The following ADAMTS3 variants were observed in gnomAD, a reference collection of about 807,000 sequenced individuals.
The protein encoded by ADAMTS3 is ADAM metallopeptidase with thrombospondin type 1 motif 3, also known as A disintegrin and metalloproteinase with thrombospondin motifs 3.
ADAMTS3 carries 73 observed loss-of-function variants against 129.0 expected under a neutral mutation model. The ratio of observed to expected loss-of-function variants is 0.57; its 90% CI spans 0.47 to 0.69. ADAMTS3 has a LOEUF of 0.69. ADAMTS3 is among the 30% of genes least tolerant of loss of function. ADAMTS3 has a pLI of 0.00. For synonymous variants in ADAMTS3, 477 were observed against 510.8 expected, an observed-to-expected ratio of 0.93 and a Z score of 0.89; for missense variants, 1,457 against 1,514.5, an observed-to-expected ratio of 0.96 and a Z score of 0.63.
intron 3 of ADAMTS3, among the ~76,000 whole-genome samples, chr4:72,535,103 G>A (rs1287140593): frequency 6.6e-6 from 1 of 152,096 alleles, no homozygotes; most frequent in Non-Finnish European, 1.5e-5. Flanking sequence ...CTGCTTTCTT[G>A]TCCAGGCAGC....
intron 3 of ADAMTS3, among the ~76,000 whole-genome samples, chr4:72,507,728 C>A (rs1450336254): frequency 6.6e-6 from 1 of 152,152 alleles, no homozygotes; most frequent in African/African-American, 2.4e-5. Context: ...CCCACCACTG[C>A]ATCCATGAAA....
At chr4:72,290,120 A>T (rs959484419) in intron 20 of ADAMTS3, among the ~76,000 whole-genome samples, 2 of 152,180 alleles carry the variant, frequency 1.3e-5, no homozygotes, top group African/African-American at 4.8e-5. Flanking sequence ...TGCAACATTG[A>T]GTCAGCCAAT....
At chr4:72,306,619 A>G (rs1418570168) in intron 15 of ADAMTS3, among the ~76,000 whole-genome samples, 1 of 151,928 alleles carries the variant, frequency 6.6e-6, no homozygotes, top group Non-Finnish European at 1.5e-5. Flanking sequence ...TTTTCTTGTG[A>G]TCAGTATTAA....
At chr4:72,325,662 C>T (rs1719680079) in intron 5 of ADAMTS3, among the ~76,000 whole-genome samples, 1 of 151,994 alleles carries the variant, frequency 6.6e-6, no homozygotes, top group Non-Finnish European at 1.5e-5. Context: ...GAAACGGAAA[C>T]AGAAAAAGTG....
In ADAMTS3 at chr4:72,414,917, C is replaced by G. The variant is rs1389919353; in HGVS notation, c.559G>C (p.Gly187Arg). The G allele has an allele frequency of 1.3e-6, 2 of 1,582,998 alleles. No homozygotes were observed. Among genetic ancestry groups the G allele is most frequent in the Middle Eastern group, 3.3e-4 (2 of 5,978 alleles). ...EEYFIEPLER[G>R]KQMEEEKGRI... ...CCTTTTTCTTCCTCCATCTGTTTACCTCTTTCCAAGGGTTCAATGAAATAC... is the reference window on the plus strand; with the variant it reads ...CCTTTTTCTTCCTCCATCTGTTTACGTCTTTCCAAGGGTTCAATGAAATAC... The change falls in exon 4 of 22, where the codon GGT becomes CGT. Residue 187 changes from glycine to arginine, a missense_variant. Transcript: ENST00000286657.
At chr4:72,284,874 C>T (rs1269930915) in intron 21 of ADAMTS3, among the ~76,000 whole-genome samples, 2 of 152,126 alleles carry the variant, frequency 1.3e-5, no homozygotes, top group Non-Finnish European at 2.9e-5. Context: ...TTTTAGTCAT[C>T]CTGGGTATAC....
chr4:72,511,975 A>G lies in ADAMTS3; in HGVS notation c.504+36503T>C, dbSNP rs540108830. On this transcript the variant is annotated intron_variant, in intron 3 of 21. Coordinates refer to ENST00000286657, the MANE Select transcript of ADAMTS3 (RefSeq NM_014243.3). The stretch of plus-strand genomic sequence containing the variant: ...TGTCATTTGCAACAACATGGATGCA[A>G]CTGGAGATCATTATGTTAAGTGAAA... Among the ~76,000 whole-genome samples the G allele has an allele frequency of 8.5e-5, 13 of 152,316 alleles. No individual in the cohort carries two copies. The South Asian group carries it at 2.5e-3, about 29-fold the overall frequency.
In ADAMTS3 at chr4:72,441,180, T is replaced by C. The variant is rs1379482583; in HGVS notation, c.505-26209A>G. 2.6e-5 allele frequency among the ~76,000 whole-genome samples: 4 copies of C among 151,834 alleles called. No homozygotes were observed. In the East Asian group the frequency reaches 5.9e-4, roughly 22 times the overall value. On this transcript the variant is annotated intron_variant, in intron 3 of 21. Coordinates refer to ENST00000286657, the MANE Select transcript of ADAMTS3 (RefSeq NM_014243.3). The stretch of plus-strand genomic sequence containing the variant: ...TCATCATATATGCAGACTTTTTAAA[T>C]CTGGCTTTTTTATTCAGCATAATGC...
intron 3 of ADAMTS3, among the ~76,000 whole-genome samples, chr4:72,526,570 A>ATGTG (rs56774889): frequency 0.13 from 17,702 of 131,854 alleles, 1,546 homozygotes; most frequent in East Asian, 0.25. Flanking sequence ...AATGAAATTT[A>ATGTG]TGTGTGTGTG....
intron 2 of ADAMTS3, among the ~76,000 whole-genome samples, chr4:72,550,551 G>A (rs1174776093): frequency 6.6e-6 from 1 of 152,104 alleles, no homozygotes; most frequent in Non-Finnish European, 1.5e-5. Flanking sequence ...ATATTTACTA[G>A]GCAAAGAAGC....
intron 3 of ADAMTS3, among the ~76,000 whole-genome samples, chr4:72,490,042 C>T (rs924755346): frequency 6.6e-6 from 1 of 151,744 alleles, no homozygotes; most frequent in Non-Finnish European, 1.5e-5. Context: ...CACTTTTCTC[C>T]TAGTAGCCAT....
rs72656090 is a variant in ADAMTS3, at chr4:72,559,046, A to G, written c.97+8328T>C. Reference sequence around the variant, plus strand: ...AGGTGAACCAATCCTACTCTGAAAGAGAAATAAAACCAATACAGAGGAAAA... The same window carrying G: ...AGGTGAACCAATCCTACTCTGAAAGGGAAATAAAACCAATACAGAGGAAAA... On this transcript the variant is annotated intron_variant, in intron 2 of 21. Coordinates refer to ENST00000286657, the MANE Select transcript of ADAMTS3 (RefSeq NM_014243.3). Among the ~76,000 whole-genome samples the G allele has an allele frequency of 7.5e-3, 1,141 of 151,792 alleles. 14 individuals are homozygous for G. The highest frequency in any genetic ancestry group is 0.014 in the Middle Eastern group (4 of 294).
chr4:72,549,964 AG>A (rs150497821), intron 2 of ADAMTS3, among the ~76,000 whole-genome samples: 30,881 of 67,328 alleles, frequency 0.46, 8,238 homozygotes, highest in African/African-American at 0.62. Context: ...AAAAAAAAAA[AG>A]AAGAAGAAGA....
rs1334395514 is a variant in ADAMTS3, at chr4:72,290,851, C to T, written c.2931+4G>A. On this transcript the variant is annotated splice_donor_region_variant and intron_variant, in intron 20 of 21. Coordinates refer to ENST00000286657, the MANE Select transcript of ADAMTS3 (RefSeq NM_014243.3). The stretch of plus-strand genomic sequence containing the variant: ...TTATGCATGCACGGAATTCACACAC[C>T]TACCTCACTCCAGGGTCCTGTTTTC... 2.5e-6 allele frequency: 4 copies of T among 1,613,594 alleles called. No homozygotes were observed. Among genetic ancestry groups the T allele is most frequent in the Non-Finnish European group, 3.4e-6 (4 of 1,179,736 alleles).
chr4:72,500,330 G>A (rs1719981415), intron 3 of ADAMTS3, among the ~76,000 whole-genome samples: 1 of 152,066 alleles, frequency 6.6e-6, no homozygotes, highest in South Asian at 2.1e-4. Flanking sequence ...GGTGTGAGAT[G>A]GTATTTCCTT....
chr4:72,525,588 C>G (rs190438253), intron 3 of ADAMTS3, among the ~76,000 whole-genome samples: 1 of 152,144 alleles, frequency 6.6e-6, no homozygotes, highest in Non-Finnish European at 1.5e-5. Flanking sequence ...CAAGATGAAA[C>G]GTAAGTAAAA....
intron 4 of ADAMTS3, among the ~76,000 whole-genome samples, chr4:72,361,283 G>A (rs911517805): frequency 2.6e-5 from 4 of 152,070 alleles, no homozygotes; most frequent in Admixed American, 2.0e-4. Context: ...AAATTGTTAT[G>A]TGAAATAAAT....
chr4:72,515,133 A>G (rs1348765279), intron 3 of ADAMTS3, among the ~76,000 whole-genome samples: 1 of 152,044 alleles, frequency 6.6e-6, no homozygotes, highest in Non-Finnish European at 1.5e-5. Context: ...ATGATTTCCA[A>G]TTTCATCCAT....
At chr4:72,543,193 A>C (rs535655376) in intron 3 of ADAMTS3, among the ~76,000 whole-genome samples, 18 of 152,306 alleles carry the variant, frequency 1.2e-4, no homozygotes, top group Non-Finnish European at 1.9e-4. Context: ...TTAAGGCACT[A>C]AGAGGAATAA....
Sources: gnomAD v4.1 joint callset for allele counts (sites outside exome capture counted in the v4.1 genomes callset) on GRCh38, gnomAD v4.1.1 for gene constraint, MANE v1.5 for transcripts, NCBI Gene and HGNC (gene_info 2026-07-23, HGNC 2026-07-21) for gene names.